The following PCDHA6 variants were observed in gnomAD, a reference collection of about 807,000 sequenced individuals.
PCDHA6 encodes protocadherin alpha 6.
In PCDHA6, 55 loss-of-function variants were observed where a neutral mutation model predicts 60.3. The observed-to-expected ratio is 0.91, with a 90% CI of 0.73 to 1.14. PCDHA6 has a LOEUF of 1.14. Among genes scored for constraint, PCDHA6 ranks in the 50% most tolerant of loss-of-function variants. PCDHA6 has a pLI of 0.00. For missense variants in PCDHA6, 1,327 were observed against 1,256.5 expected (o/e 1.06, Z -0.85); for synonymous variants, 652 against 557.9 (o/e 1.17, Z -2.38).
At position 140,849,459 on chromosome 5, in the gene PCDHA6, G is replaced by A. The variant is rs2150438078; in HGVS notation, c.2394+18974G>A. On this transcript the variant is annotated intron_variant, in intron 1 of 3. Transcript: ENST00000529310. ...TAGAGCACACAAGATCCCAGTCGAG[G>A]CTGTCGATAAAGGCTTCCCACCCCT... 169 of 1,587,860 alleles carry A rather than the reference G, an allele frequency of 1.1e-4. 13 individuals carry two copies. The highest frequency in any genetic ancestry group is 1.4e-4 in the Non-Finnish European group (163 of 1,161,590).
rs2150360169 is a variant in PCDHA6 at position 140,843,445 on chromosome 5, C to T, written c.2394+12960C>T. The T allele has an allele frequency of 2.5e-6, 4 of 1,596,040 alleles. 1 individual carries two copies. The highest frequency in any genetic ancestry group is 1.7e-6 in the Non-Finnish European group (2 of 1,165,674). Reference sequence around the variant, plus strand: ...TGATCATCGCCATCTGCGCGGTATCCAGCCTGCTGGTGCTCACGCTGCTGC... The same window carrying T: ...TGATCATCGCCATCTGCGCGGTATCTAGCCTGCTGGTGCTCACGCTGCTGC... On this transcript the variant is annotated intron_variant, in intron 1 of 3. Coordinates refer to ENST00000529310, the MANE Select transcript of PCDHA6 (RefSeq NM_018909.4).
At chr5:140,966,836 C>T in intron 1 of PCDHA6, 1 of 1,565,250 alleles carries the variant, frequency 6.4e-7, no homozygotes, top group Non-Finnish European at 8.6e-7. Context: ...GCCCTGGCTG[C>T]TGCTACTGCC....
chr5:140,830,006 G>C lies in PCDHA6; in HGVS notation c.1915G>C (p.Glu639Gln). ...GATCAGCACCACTCGTGTCCTGGAC[G>C]AAGCGGACTCTCCGCGCCACCGGCT... is the stretch of plus-strand genomic sequence containing the variant. ...GEISTTRVLD[E>Q]ADSPRHRLLV... Residue 639 changes from glutamate (E) to glutamine (Q), a missense_variant, in exon 1 of 4, where the codon GAA becomes CAA. Physicochemically the swap from Glu to Gln is conservative, Grantham distance 29 (BLOSUM62 2). Coordinates refer to ENST00000529310, the MANE Select transcript of PCDHA6 (RefSeq NM_018909.4). The C allele has an allele frequency of 6.2e-7, 1 of 1,613,960 alleles. No individual in the cohort carries two copies. Among genetic ancestry groups the C allele is most frequent in the Non-Finnish European group, 8.5e-7 (1 of 1,179,928 alleles).
chr5:140,851,307 T>C (rs1562478803), intron 1 of PCDHA6: 21 of 1,000,198 alleles, frequency 2.1e-5, no homozygotes, highest in Non-Finnish European at 2.6e-5. Context: ...TATATAGCAA[T>C]TGTTACCTTG....
At chr5:140,835,531 G>C (rs2150237714) in intron 1 of PCDHA6, 1 of 1,613,964 alleles carries the variant, frequency 6.2e-7, no homozygotes, top group Admixed American at 1.7e-5. Flanking sequence ...GGAGTCAACG[G>C]ACAGGTTACC....
rs369786229 is a variant in PCDHA6 at position 140,858,286 on chromosome 5, G to T, written c.2394+27801G>T. ...TGTGCTCTAGCGCGGTGGGGAGCTGGTCTTACTCGCAGCAGAGGCGGCAGA... is the reference window on the plus strand; with the variant it reads ...TGTGCTCTAGCGCGGTGGGGAGCTGTTCTTACTCGCAGCAGAGGCGGCAGA... On this transcript the variant is annotated intron_variant, in intron 1 of 3. Coordinates refer to ENST00000529310, the MANE Select transcript of PCDHA6 (RefSeq NM_018909.4). 5.0e-6 allele frequency: 8 copies of T among 1,597,506 alleles called. 1 individual carries two copies. Among genetic ancestry groups the T allele is most frequent in the Non-Finnish European group, 6.9e-6 (8 of 1,167,336 alleles).
chr5:140,968,114 A>G, intron 1 of PCDHA6: 1 of 1,614,164 alleles, frequency 6.2e-7, no homozygotes, highest in Non-Finnish European at 8.5e-7. Context: ...ACCGCAGCTC[A>G]CATCCCTGCG....
In PCDHA6 at chr5:140,859,591, T is replaced by C. The variant is rs540429741; in HGVS notation, c.2394+29106T>C. On this transcript the variant is annotated intron_variant, in intron 1 of 3. Transcript: ENST00000529310. Reference sequence around the variant, plus strand: ...AATTTGTCATCTTGCCTATGGCTCTTAGCAATTACTTTTTTCTTTCCTTTC... The same window carrying C: ...AATTTGTCATCTTGCCTATGGCTCTCAGCAATTACTTTTTTCTTTCCTTTC... 5 of 165,482 alleles carry C rather than the reference T, an allele frequency of 3.0e-5. No homozygotes were observed. The East Asian group carries it at 9.4e-4, about 31-fold the overall frequency. 10.3% of individuals were successfully genotyped at this position (165,482 alleles called of 1,614,324 possible). A position where few individuals can be genotyped will look rare whatever the true frequency, so the allele number is the denominator to read the frequency against.
intron 1 of PCDHA6, chr5:140,850,343 C>G (rs1554144214): frequency 1.9e-6 from 3 of 1,597,676 alleles, no homozygotes; most frequent in Non-Finnish European, 2.6e-6. Context: ...CAGAAACGGC[C>G]AGCGCGAGCA....
In PCDHA6 at chr5:140,903,474, C is replaced by T. The variant is rs1257250947; in HGVS notation, c.2394+72989C>T. Among the ~76,000 whole-genome samples, 4 of 152,106 alleles carry T rather than the reference C, an allele frequency of 2.6e-5. No homozygotes were observed. In the East Asian group the frequency reaches 7.7e-4, roughly 29 times the overall value. The stretch of plus-strand genomic sequence containing the variant: ...ATCAAACTTAAAATATTATTCCTTG[C>T]ATTATAGTTCTGAGCAGGTACCATA... On this transcript the variant is annotated intron_variant, in intron 1 of 3. Transcript: ENST00000529310.
intron 1 of PCDHA6, among the ~76,000 whole-genome samples, chr5:140,923,834 T>G (rs2081542074): frequency 6.6e-6 from 1 of 152,210 alleles, no homozygotes; most frequent in South Asian, 2.1e-4. Flanking sequence ...AGTGGCAGTT[T>G]AAATAGAGAA....
chr5:140,860,067 T>C (rs2150484600), intron 1 of PCDHA6: 1 of 151,674 alleles, frequency 6.6e-6, no homozygotes, highest in African/African-American at 2.4e-5. Flanking sequence ...GGTGGGAGGA[T>C]GGTTTGAGGC....
Position 140,829,392 on chromosome 5 carries a change from C to A in PCDHA6, c.1301C>A (p.Ser434Ter). The A allele has an allele frequency of 6.2e-7, 1 of 1,614,160 alleles. No individual in the cohort carries two copies. The highest frequency in any genetic ancestry group is 8.5e-7 in the Non-Finnish European group (1 of 1,180,052). ...VVTARDGGSPSLWATASLSVE... is the reference protein window; with the variant it reads ...VVTARDGGSP The stretch of plus-strand genomic sequence containing the variant: ...ACCGCGCGGGACGGGGGCTCGCCTT[C>A]GCTGTGGGCCACCGCCAGCTTGTCT... The change falls in exon 1 of 4, where the codon TCG becomes TAG. Residue 434 changes from serine to a stop codon, truncating the protein, a stop_gained. Transcript: ENST00000529310. LOFTEE classifies it high-confidence loss of function.
chr5:140,908,626 T>A (rs1162805222), intron 1 of PCDHA6, among the ~76,000 whole-genome samples: 3 of 152,020 alleles, frequency 2.0e-5, no homozygotes, highest in African/African-American at 4.8e-5. Context: ...ATCCTTGAGG[T>A]CTCCACTGTG....
At chr5:140,834,199 G>T in intron 1 of PCDHA6, 2 of 595,406 alleles carry the variant, frequency 3.4e-6, no homozygotes, top group South Asian at 2.6e-5. Flanking sequence ...GCTCTTTACC[G>T]CAAATTCTTT....
At chr5:140,870,952 T>G in intron 1 of PCDHA6, 4 of 1,613,610 alleles carry the variant, frequency 2.5e-6, no homozygotes, top group Non-Finnish European at 3.4e-6. Flanking sequence ...GGCGGGCGGC[T>G]CGCGCATCCC....
chr5:140,863,224 G>A, intron 1 of PCDHA6: 2 of 1,143,744 alleles, frequency 1.7e-6, no homozygotes, highest in Non-Finnish European at 2.5e-6. Context: ...AGCGAGGAAG[G>A]TCCCATCGCG....
chr5:140,891,956 G>T (rs528674370), intron 1 of PCDHA6, among the ~76,000 whole-genome samples: 1 of 152,344 alleles, frequency 6.6e-6, no homozygotes, highest in South Asian at 2.1e-4. Flanking sequence ...CCAGAATTGT[G>T]AGAAGTAAAT....
chr5:140,942,122 G>A (rs2093234713), intron 1 of PCDHA6, among the ~76,000 whole-genome samples: 1 of 152,064 alleles, frequency 6.6e-6, no homozygotes, highest in Non-Finnish European at 1.5e-5. Flanking sequence ...TTTATTAAAG[G>A]TGATATTTGT....
Sources: allele counts gnomAD v4.1 joint callset (sites outside exome capture counted in the v4.1 genomes callset), GRCh38; gene constraint gnomAD v4.1.1; transcripts MANE v1.5; gene names NCBI Gene and HGNC (gene_info 2026-07-23, HGNC 2026-07-21).